The following ZNF568 variants were observed in gnomAD, a reference collection of about 807,000 sequenced individuals.
ZNF568 encodes p53 inhibitor of SCO2 activation.
In ZNF568, 11 loss-of-function variants were observed where a neutral mutation model predicts 18.1. That is an observed-to-expected ratio of 0.61 (90% CI 0.38 to 1.00). ZNF568 has a LOEUF of 1.00. ZNF568 is among the 50% of genes least tolerant of loss of function. ZNF568 has a pLI of 0.01. For missense variants in ZNF568, 639 were observed against 768.2 expected (o/e 0.83, Z 1.99); for synonymous variants, 213 against 246.6 (o/e 0.86, Z 1.28).
At chr19:36,934,906 A>G (rs1418172113) in intron 4 of ZNF568, among the ~76,000 whole-genome samples, 1 of 149,278 alleles carries the variant, frequency 6.7e-6, no homozygotes, top group Non-Finnish European at 1.5e-5. Flanking sequence ...ATCAAGGAAC[A>G]TACTTTACAC....
chr19:36,921,289 C>T (rs1393656542), intron 2 of ZNF568, among the ~76,000 whole-genome samples: 1 of 151,928 alleles, frequency 6.6e-6, no homozygotes, highest in Non-Finnish European at 1.5e-5. Context: ...TGGAGAAATC[C>T]CATCTCTACT....
chr19:36,978,730 GTC>G (rs2074305514), intron 7 of ZNF568, among the ~76,000 whole-genome samples: 1 of 151,946 alleles, frequency 6.6e-6, no homozygotes, highest in African/African-American at 2.4e-5. Context: ...TTTCAGCCTC[GTC>G]TCTCTGCTCT....
intron 2 of ZNF568, among the ~76,000 whole-genome samples, chr19:36,919,907 T>A (rs946426717): frequency 2.0e-5 from 3 of 152,210 alleles, no homozygotes; most frequent in African/African-American, 4.8e-5. Context: ...TACTTGGTAA[T>A]GATAATAAAT....
At chr19:36,995,041 C>T (rs1026175620) in intron 4 of ZNF568, among the ~76,000 whole-genome samples, 1 of 151,746 alleles carries the variant, frequency 6.6e-6, no homozygotes, top group African/African-American at 2.4e-5. Flanking sequence ...TTTTTGGTTA[C>T]TCTTTGCATG....
Position 36,950,830 on chromosome 19 carries a change from A to G in ZNF568, c.1677A>G (p.Lys559=). ...EKIHTGEKPF[K]CNECGKAFSR... ...TTCATACTGGAGAGAAACCATTCAAATGTAATGAATGTGGTAAAGCCTTCT... is the reference window on the plus strand; with the variant it reads ...TTCATACTGGAGAGAAACCATTCAAGTGTAATGAATGTGGTAAAGCCTTCT... The change falls in exon 7 of 7, where the codon AAA becomes AAG. Residue 559 remains lysine (K), a synonymous_variant. Coordinates refer to ENST00000333987, the MANE Select transcript of ZNF568 (RefSeq NM_198539.4). The G allele has an allele frequency of 6.2e-7, 1 of 1,613,856 alleles. No homozygotes were observed. The highest frequency in any genetic ancestry group is 8.5e-7 in the Non-Finnish European group (1 of 1,179,964).
chr19:36,996,961 G>A (rs1568412093), exon 5 of ZNF568: 3 of 1,539,620 alleles, frequency 1.9e-6, no homozygotes, highest in Non-Finnish European at 2.6e-6. Flanking sequence ...GAAATACTAT[G>A]AAAGTAAGGC....
intron 6 of ZNF568, among the ~76,000 whole-genome samples, chr19:36,940,232 G>T (rs987277294): frequency 6.6e-6 from 1 of 152,158 alleles, no homozygotes; most frequent in Non-Finnish European, 1.5e-5. Context: ...AATGCCTCCA[G>T]AATTTTGAAA....
chr19:36,935,488 C>T (rs826289), intron 4 of ZNF568, among the ~76,000 whole-genome samples: 54,577 of 149,714 alleles, frequency 0.36, 10,152 homozygotes, highest in African/African-American at 0.41. Context: ...TGAACTTGGG[C>T]GGCAGAGGTT....
chr19:36,948,511 T>C (rs990937796), intron 6 of ZNF568, among the ~76,000 whole-genome samples: 3 of 152,314 alleles, frequency 2.0e-5, no homozygotes, highest in East Asian at 3.9e-4. Flanking sequence ...GGTAATAGTA[T>C]GGCTAATTTT....
chr19:36,925,119 T>C, intron 3 of ZNF568, 81 bp from the exon 4 acceptor site: 1 of 1,299,998 alleles, frequency 7.7e-7, no homozygotes, highest in Non-Finnish European at 1.1e-6. Context: ...TAGAGGGTCT[T>C]CTAGCCACCT....
intron 6 of ZNF568, among the ~76,000 whole-genome samples, chr19:36,958,658 G>A (rs183810129): frequency 2.9e-5 from 3 of 102,738 alleles, no homozygotes; most frequent in East Asian, 5.7e-4. Context: ...TCTCTCTTTC[G>A]CCCAGGCTGG....
In ZNF568 at chr19:36,973,973, G is replaced by A. The variant is rs188168167; in HGVS notation, c.359-447G>A. Among the ~76,000 whole-genome samples, 87 of 152,240 alleles carry A rather than the reference G, an allele frequency of 5.7e-4. 1 individual carries two copies. Among genetic ancestry groups the A allele is most frequent in the Non-Finnish European group, 1.1e-3 (75 of 68,012 alleles). Reference sequence around the variant, plus strand: ...GGTCTATCTCTGGTGTGTGTTGAGGGTGGAAATGGTTCTAGAGTTTGGGGC... The same window carrying A: ...GGTCTATCTCTGGTGTGTGTTGAGGATGGAAATGGTTCTAGAGTTTGGGGC... On this transcript the variant is annotated intron_variant, in intron 6 of 7. Transcript: ENST00000427117.
At chr19:36,980,894 A>G (rs115226700), downstream of ZNF568, among the ~76,000 whole-genome samples, 340 of 152,302 alleles carry the variant, frequency 2.2e-3, 1 homozygote, top group African/African-American at 7.9e-3. Flanking sequence ...GACCGATTAC[A>G]TGGTAGAAGT....
chr19:36,975,671 C>A (rs1224190939), intron 7 of ZNF568, among the ~76,000 whole-genome samples: 1 of 127,256 alleles, frequency 7.9e-6, no homozygotes, highest in Non-Finnish European at 1.6e-5. Context: ...CGTGAGCCAC[C>A]GCGCCAAGAC....
At chr19:36,948,397 C>T (rs2146308199) in intron 6 of ZNF568, among the ~76,000 whole-genome samples, 1 of 152,286 alleles carries the variant, frequency 6.6e-6, no homozygotes, top group South Asian at 2.1e-4. Context: ...CAAGTGTTGG[C>T]AATTAGGAAT....
chr19:36,988,141 A>G (rs556169956), intron 2 of ZNF568, among the ~76,000 whole-genome samples: 1 of 151,730 alleles, frequency 6.6e-6, no homozygotes, highest in Non-Finnish European at 1.5e-5. Context: ...TTTTGTAGAG[A>G]TGGGGTCCTG....
At chr19:36,962,592 C>T (rs1053326726) in intron 6 of ZNF568, among the ~76,000 whole-genome samples, 22 of 152,038 alleles carry the variant, frequency 1.4e-4, no homozygotes, top group African/African-American at 5.3e-4. Flanking sequence ...CCACCCGCTT[C>T]GACCTCCCAT....
intron 4 of ZNF568, among the ~76,000 whole-genome samples, chr19:36,927,184 A>ATAC (rs1412319836): frequency 2.0e-5 from 3 of 152,256 alleles, no homozygotes; most frequent in Non-Finnish European, 4.4e-5. Flanking sequence ...ATAAATATGT[A>ATAC]TACATAATAG....
intron 3 of ZNF568, chr19:36,991,303 ACTTTATCT>A: frequency 1.3e-6 from 2 of 1,532,532 alleles, no homozygotes; most frequent in Non-Finnish European, 1.7e-6. Flanking sequence ...TTACTGGGTA[ACTTTATCT>A]GCCCCTCCGT....
Sources: allele counts gnomAD v4.1 joint callset (sites outside exome capture counted in the v4.1 genomes callset), GRCh38; gene constraint gnomAD v4.1.1; transcripts MANE v1.5; gene names NCBI Gene and HGNC (gene_info 2026-07-23, HGNC 2026-07-21).